Variants in ROBO2 observed in about 807,000 individuals in gnomAD.
The protein encoded by ROBO2 is roundabout guidance receptor 2.
ROBO2 carries 53 observed loss-of-function variants against 160.8 expected under a neutral mutation model. The ratio of observed to expected loss-of-function variants is 0.33; its 90% CI spans 0.26 to 0.41. The LOEUF is 0.41. Ranked by LOEUF, ROBO2 falls within the 10% of genes least tolerant of loss-of-function variation. ROBO2 has a pLI of 1.00. For synonymous variants in ROBO2, 664 were observed against 611.7 expected (o/e 1.09, Z -1.26); for missense variants, 1,577 against 1,722.4 (o/e 0.92, Z 1.49).
chr3:76,785,105 T>C (rs2062888232), intron 2 of ROBO2, among the ~76,000 whole-genome samples: 1 of 151,154 alleles, frequency 6.6e-6, no homozygotes, highest in South Asian at 2.1e-4. Context: ...TTCCCACATA[T>C]CTTTTTTTCT....
chr3:76,795,349 C>G (rs187542128), intron 2 of ROBO2, among the ~76,000 whole-genome samples: 13 of 152,062 alleles, frequency 8.5e-5, no homozygotes, highest in Non-Finnish European at 1.8e-4. Flanking sequence ...TTAATAATAG[C>G]ATTTTACCCA....
intron 2 of ROBO2, among the ~76,000 whole-genome samples, chr3:76,345,038 G>T (rs2074442803): frequency 6.6e-6 from 1 of 152,122 alleles, no homozygotes. Context: ...AAGATGGCAT[G>T]CTCTTAACTC....
intron 1 of ROBO2, among the ~76,000 whole-genome samples, chr3:75,923,805 A>G (rs1428207595): frequency 6.6e-6 from 1 of 152,240 alleles, no homozygotes; most frequent in Non-Finnish European, 1.5e-5. Flanking sequence ...TTCAGGAAGG[A>G]GTTTGCACAT....
chr3:77,372,232 A>G (rs1162483634), intron 2 of ROBO2, among the ~76,000 whole-genome samples: 2 of 152,108 alleles, frequency 1.3e-5, no homozygotes, highest in Admixed American at 1.3e-4. Context: ...AAGGAAAAGC[A>G]TTATTAAAAA....
chr3:77,534,168 G>C (rs1375111598), intron 6 of ROBO2, among the ~76,000 whole-genome samples: 1 of 151,814 alleles, frequency 6.6e-6, no homozygotes, highest in African/African-American at 2.4e-5. Context: ...TGTGGTTTTG[G>C]GGCTATAGTA....
At chr3:76,504,810 G>A (rs2080704610) in intron 2 of ROBO2, among the ~76,000 whole-genome samples, 3 of 152,110 alleles carry the variant, frequency 2.0e-5, no homozygotes, top group Non-Finnish European at 4.4e-5. Flanking sequence ...TTACAGGCCT[G>A]AGCCACCGCA....
intron 2 of ROBO2, among the ~76,000 whole-genome samples, chr3:76,894,276 G>C (rs1329085621): frequency 6.6e-6 from 1 of 152,050 alleles, no homozygotes; most frequent in African/African-American, 2.4e-5. Flanking sequence ...TGTTGTCCCT[G>C]TGGATCAAAA....
chr3:77,268,627 A>C (rs2153350326), intron 2 of ROBO2, among the ~76,000 whole-genome samples: 1 of 152,312 alleles, frequency 6.6e-6, no homozygotes, highest in East Asian at 1.9e-4. Flanking sequence ...CAATTTCTCT[A>C]ATATTAGGAA....
At chr3:77,186,211 A>G (rs946440710) in intron 2 of ROBO2, among the ~76,000 whole-genome samples, 8 of 151,712 alleles carry the variant, frequency 5.3e-5, no homozygotes, top group African/African-American at 7.3e-5. Flanking sequence ...GTGTCATAGG[A>G]ATAGGAGGTT....
intron 2 of ROBO2, among the ~76,000 whole-genome samples, chr3:76,679,018 T>A (rs2106872505): frequency 6.6e-6 from 1 of 152,248 alleles, no homozygotes; most frequent in Admixed American, 6.5e-5. Flanking sequence ...CTCCACTCAT[T>A]AAGTTACATT....
At chr3:76,931,154 TCTAGTTTTG>T (rs2077312870) in intron 2 of ROBO2, among the ~76,000 whole-genome samples, 1 of 152,172 alleles carries the variant, frequency 6.6e-6, no homozygotes, top group African/African-American at 2.4e-5. Context: ...CTGACCCATT[TCTAGTTTTG>T]CCATCAGTAC....
Position 76,242,317 on chromosome 3 carries a change from G to C in ROBO2, c.109+304715G>C, listed in dbSNP as rs367829867. On this transcript the variant is annotated intron_variant, in intron 2 of 26. Coordinates refer to the ROBO2 transcript ENST00000487694. ...TGACCAAATGCGACTAGGAGGCATAGAGCTCTCCTTCACCCTATGGAGCGG... is the reference window on the plus strand; with the variant it reads ...TGACCAAATGCGACTAGGAGGCATACAGCTCTCCTTCACCCTATGGAGCGG... Among the ~76,000 whole-genome samples, 19 of 152,232 alleles carry C rather than the reference G, an allele frequency of 1.2e-4. No individual in the cohort carries two copies. In the East Asian group the frequency reaches 3.1e-3, roughly 25 times the overall value.
chr3:76,077,487 C>T (rs2068681459), intron 2 of ROBO2, among the ~76,000 whole-genome samples: 1 of 152,148 alleles, frequency 6.6e-6, no homozygotes, highest in African/African-American at 2.4e-5. Flanking sequence ...TGCTTGAACT[C>T]TGGAGATGGA....
At chr3:77,587,115 T>C (rs1272895747) in intron 16 of ROBO2, among the ~76,000 whole-genome samples, 1 of 151,972 alleles carries the variant, frequency 6.6e-6, no homozygotes. Flanking sequence ...GGAAATGGAG[T>C]TTCTACTCCA....
At chr3:77,320,008 C>A (rs1484300234) in intron 2 of ROBO2, among the ~76,000 whole-genome samples, 1 of 152,078 alleles carries the variant, frequency 6.6e-6, no homozygotes, top group Non-Finnish European at 1.5e-5. Flanking sequence ...CTGAACAATT[C>A]GAAATTTATC....
At chr3:76,421,793 T>A (rs553390147) in intron 2 of ROBO2, among the ~76,000 whole-genome samples, 55 of 152,148 alleles carry the variant, frequency 3.6e-4, no homozygotes, top group Non-Finnish European at 6.8e-4. Flanking sequence ...TAATGTGGGA[T>A]TGGGACAGGC....
At chr3:77,526,103 A>C (rs1292866637) in intron 6 of ROBO2, among the ~76,000 whole-genome samples, 1 of 151,398 alleles carries the variant, frequency 6.6e-6, no homozygotes, top group Non-Finnish European at 1.5e-5. Context: ...TGGCTATAGC[A>C]AACACACCCT....
chr3:76,926,897 G>GT (rs35883882), intron 2 of ROBO2, among the ~76,000 whole-genome samples: 72 of 151,326 alleles, frequency 4.8e-4, no homozygotes, highest in Middle Eastern at 6.8e-3. Flanking sequence ...AGAGGACTCC[G>GT]TTTTTTTTCA....
At chr3:77,587,103 T>C (rs958220281) in intron 16 of ROBO2, among the ~76,000 whole-genome samples, 5 of 152,104 alleles carry the variant, frequency 3.3e-5, no homozygotes, top group African/African-American at 1.2e-4. Flanking sequence ...GTCAGCAGAA[T>C]GGGAAATGGA....
Sources: gnomAD v4.1 joint callset for allele counts (sites outside exome capture counted in the v4.1 genomes callset) on GRCh38, gnomAD v4.1.1 for gene constraint, MANE v1.5 for transcripts, NCBI Gene and HGNC (gene_info 2026-07-23, HGNC 2026-07-21) for gene names.